The following LANCL2 variants were observed in gnomAD, a reference collection of about 807,000 sequenced individuals.
LANCL2 encodes lanC-like protein 2.
A neutral mutation model predicts 56.9 loss-of-function variants in LANCL2; 33 were observed. The ratio of observed to expected loss-of-function variants is 0.58; its 90% CI spans 0.44 to 0.78. The LOEUF is 0.78. Among genes scored for constraint, LANCL2 ranks in the 30% least tolerant of loss-of-function variants. The pLI, the probability that LANCL2 is intolerant of heterozygous loss-of-function variation, is 0.00. For synonymous variants in LANCL2, 233 were observed against 228.2 expected (o/e 1.02, Z -0.19); for missense variants, 562 against 580.2 (o/e 0.97, Z 0.32).
intron 2 of LANCL2, 104 bp from the exon 3 acceptor site, chr7:55,398,319 T>C (rs1790280058): frequency 2.4e-6 from 2 of 820,624 alleles, no homozygotes; most frequent in South Asian, 1.6e-5. Flanking sequence ...TTTGGAAACA[T>C]AGATTTATGT....
intron 5 of LANCL2, among the ~76,000 whole-genome samples, chr7:55,411,012 C>T (rs913213197): frequency 1.1e-4 from 16 of 151,766 alleles, no homozygotes; most frequent in Non-Finnish European, 2.4e-4. Context: ...CATTGTGTGG[C>T]ATTAACATGT....
rs147826985 is a variant in LANCL2, at chr7:55,395,434, A to G, written c.323-2989A>G. Among the ~76,000 whole-genome samples the G allele has an allele frequency of 8.7e-3, 1,321 of 152,298 alleles. 19 individuals are homozygous for G. The highest frequency in any genetic ancestry group is 0.03 in the African/African-American group (1,263 of 41,572). ...CATGTGAAATAAGAATTGACAGACT[A>G]AGAAAAGAAATTTAAAGAAAAGATA... On this transcript the variant is annotated intron_variant, in intron 2 of 8. Transcript: ENST00000254770.
At chr7:55,428,822 AAAG>A (rs1790696889) in intron 8 of LANCL2, among the ~76,000 whole-genome samples, 1 of 152,232 alleles carries the variant, frequency 6.6e-6, no homozygotes, top group South Asian at 2.1e-4. Context: ...AATATCATAT[AAAG>A]AAGTATGAAT....
chr7:55,403,919 C>T (rs931539136), intron 5 of LANCL2, among the ~76,000 whole-genome samples: 2 of 152,100 alleles, frequency 1.3e-5, no homozygotes, highest in South Asian at 2.1e-4. Context: ...GCAGTAGGAA[C>T]TCTTAATGGG....
chr7:55,392,994 A>G (rs1790209548), intron 2 of LANCL2, among the ~76,000 whole-genome samples: 1 of 152,130 alleles, frequency 6.6e-6, no homozygotes, highest in South Asian at 2.1e-4. Flanking sequence ...TTTTTATTTT[A>G]ATGATAACAA....
intron 2 of LANCL2, among the ~76,000 whole-genome samples, chr7:55,396,409 C>G (rs1790253130): frequency 6.6e-6 from 1 of 152,242 alleles, no homozygotes; most frequent in Non-Finnish European, 1.5e-5. Flanking sequence ...TTATCGCAGC[C>G]CCGCCTACCC....
At chr7:55,391,360 T>C (rs1790188506) in intron 1 of LANCL2, among the ~76,000 whole-genome samples, 1 of 152,170 alleles carries the variant, frequency 6.6e-6, no homozygotes. Context: ...TTTTCTTTTG[T>C]ATGAAGATGT....
intron 7 of LANCL2, among the ~76,000 whole-genome samples, chr7:55,426,704 G>A (rs1222761892): frequency 1.3e-5 from 2 of 152,204 alleles, no homozygotes; most frequent in Non-Finnish European, 2.9e-5. Context: ...AGGGGGATGA[G>A]GAAAGATGTG....
intron 1 of LANCL2, among the ~76,000 whole-genome samples, chr7:55,386,636 CT>C (rs1554380364): frequency 1.3e-5 from 2 of 151,946 alleles, no homozygotes; most frequent in East Asian, 1.9e-4. Context: ...GCTTATCCGG[CT>C]TTTTTTTGCT....
intron 7 of LANCL2, among the ~76,000 whole-genome samples, chr7:55,426,135 G>A (rs1191644391): frequency 6.6e-6 from 1 of 152,168 alleles, no homozygotes; most frequent in Non-Finnish European, 1.5e-5. Context: ...CCCCCCAAGT[G>A]GATGATCACT....
intron 2 of LANCL2, among the ~76,000 whole-genome samples, chr7:55,394,783 T>TG (rs1449117564): frequency 3.4e-5 from 4 of 117,418 alleles, no homozygotes; most frequent in Admixed American, 1.3e-4. Flanking sequence ...CCAGGCAGAG[T>TG]GGGCCACAGC....
At chr7:55,395,245 T>C (rs947257010) in intron 2 of LANCL2, among the ~76,000 whole-genome samples, 2 of 151,716 alleles carry the variant, frequency 1.3e-5, no homozygotes, top group Non-Finnish European at 2.9e-5. Flanking sequence ...AGAAGAAAAA[T>C]AAAAATTTCT....
chr7:55,390,892 C>T (rs1419113426), intron 1 of LANCL2, among the ~76,000 whole-genome samples: 1 of 151,802 alleles, frequency 6.6e-6, no homozygotes, highest in Non-Finnish European at 1.5e-5. Flanking sequence ...AATAAGAATA[C>T]CTATTTTGTT....
In LANCL2 at chr7:55,432,336, T is replaced by C. The variant is rs1474042380; in HGVS notation, c.*1016T>C. The C allele has an allele frequency of 6.6e-6, 1 of 152,244 alleles. No homozygotes were observed. The highest frequency in any genetic ancestry group is 1.5e-5 in the Non-Finnish European group (1 of 68,046). 9.4% of individuals were successfully genotyped at this position (152,244 alleles called of 1,614,324 possible). A position where few individuals can be genotyped will look rare whatever the true frequency, so the allele number is the denominator to read the frequency against. On this transcript the variant is annotated 3_prime_UTR_variant, in exon 9 of 9. Transcript: ENST00000254770. ...GAATGAATGCATTTCCTATTTTTTG[T>C]CTACTTTTGGGTGATAAAAAGTACT...
chr7:55,367,909 T>C (rs1044026350), intron 1 of LANCL2, among the ~76,000 whole-genome samples: 9 of 152,262 alleles, frequency 5.9e-5, no homozygotes, highest in African/African-American at 1.9e-4. Flanking sequence ...TATTCAATAT[T>C]GGTTTTTCTC....
At chr7:55,400,183 GACTTT>G (rs1164683596) in intron 4 of LANCL2, 79 bp downstream of exon 4, 7 of 1,214,502 alleles carry the variant, frequency 5.8e-6, no homozygotes, top group Non-Finnish European at 6.6e-6. Context: ...TTAACAGCTG[GACTTT>G]ACTTCTAGGT....
At chr7:55,377,327 A>G (rs192913111) in intron 1 of LANCL2, among the ~76,000 whole-genome samples, 1 of 152,326 alleles carries the variant, frequency 6.6e-6, no homozygotes, top group African/African-American at 2.4e-5. Context: ...TGGAAAAAAT[A>G]TCATGAATAA....
At chr7:55,395,062 G>C (rs1253122226) in intron 2 of LANCL2, among the ~76,000 whole-genome samples, 1 of 152,186 alleles carries the variant, frequency 6.6e-6, no homozygotes, top group Non-Finnish European at 1.5e-5. Flanking sequence ...CTGGCCACCA[G>C]ACTCCCTGTA....
In LANCL2 at chr7:55,427,393, A is replaced by AC. The variant is rs1478564838; in HGVS notation, c.1186-982_1186-981insC. ...ACTCCTCTTTTGGAAAGATTGCTGTAGTCCCAGTAGGAAGAATGAGGCGGG... is the reference window on the plus strand; with the variant it reads ...ACTCCTCTTTTGGAAAGATTGCTGTACGTCCCAGTAGGAAGAATGAGGCGGG... On this transcript the variant is annotated intron_variant, in intron 7 of 8. Transcript: ENST00000254770. Among the ~76,000 whole-genome samples, 7 of 152,374 alleles carry AC rather than the reference A, an allele frequency of 4.6e-5. No homozygotes were observed. In the East Asian group the frequency reaches 1.3e-3, roughly 29 times the overall value.
Sources: gnomAD v4.1 joint callset for allele counts (sites outside exome capture counted in the v4.1 genomes callset) on GRCh38, gnomAD v4.1.1 for gene constraint, MANE v1.5 for transcripts, NCBI Gene and HGNC (gene_info 2026-07-23, HGNC 2026-07-21) for gene names.